Variants in THUMPD3 observed in about 807,000 individuals in gnomAD.
THUMPD3 encodes the protein tRNA (guanine(6)-N(2))-methyltransferase THUMP3.
A neutral mutation model predicts 54.5 loss-of-function variants in THUMPD3; 44 were observed. The ratio of observed to expected loss-of-function variants is 0.81; its 90% CI spans 0.63 to 1.04. The LOEUF is 1.04. THUMPD3 is among the 50% of genes least tolerant of loss of function. The pLI is 0.00. For missense variants in THUMPD3, 604 were observed against 601.3 expected, an observed-to-expected ratio of 1.00 and a Z score of -0.05; for synonymous variants, 196 against 201.4, an observed-to-expected ratio of 0.97 and a Z score of 0.23.
intron 7 of THUMPD3, among the ~76,000 whole-genome samples, chr3:9,382,759 C>T (rs999026335): frequency 6.6e-6 from 1 of 152,186 alleles, no homozygotes; most frequent in Non-Finnish European, 1.5e-5. Context: ...GGGGGTCTTG[C>T]TCTGTCACCC....
In THUMPD3 at chr3:9,384,205, A is replaced by G. The variant is rs756937017; in HGVS notation, c.1236-7A>G. 5.6e-6 allele frequency: 9 copies of G among 1,613,282 alleles called. No individual in the cohort carries two copies. Among genetic ancestry groups the G allele is most frequent in the Admixed American group, 3.3e-5 (2 of 59,758 alleles). On this transcript the variant is annotated splice_polypyrimidine_tract_variant and splice_region_variant and intron_variant, in intron 8 of 9. Transcript: ENST00000452837. ...AAGTGTTTGACTCATGAGACCTTCT[A>G]TTATAGGATGGGATCCAAGAAGAGA...
intron 7 of THUMPD3, 120 bp downstream of exon 7, chr3:9,380,738 A>G (rs769060096): frequency 8.7e-5 from 46 of 527,202 alleles, no homozygotes; most frequent in African/African-American, 2.5e-4. Context: ...TGAATATACT[A>G]TGAGACTCCA....
At chr3:9,384,140 G>A (rs1449304129) in intron 8 of THUMPD3, 72 bp from the exon 9 acceptor site, 2 of 1,529,226 alleles carry the variant, frequency 1.3e-6, no homozygotes, top group Admixed American at 2.0e-5. Context: ...GCATGAAACT[G>A]TTTTTGTTTC....
In THUMPD3 at chr3:9,374,445, A is replaced by T; in HGVS notation, c.808-71A>T. On this transcript the variant is annotated intron_variant, in intron 4 of 9. Transcript: ENST00000452837. ...AAGGAGGGGTGAACCGGCCCAGGTC[A>T]GAAAAGTCTTATTACTAAGCGCAGT... 4 of 1,569,326 alleles carry T rather than the reference A, an allele frequency of 2.5e-6. No individual in the cohort carries two copies. The African/African-American group carries it at 4.1e-5, about 16-fold the overall frequency.
chr3:9,378,159 C>T (rs575744815), intron 6 of THUMPD3, among the ~76,000 whole-genome samples: 1 of 152,324 alleles, frequency 6.6e-6, no homozygotes, highest in Admixed American at 6.5e-5. Context: ...GATGAGTCCT[C>T]TTTGTGTAAC....
At chr3:9,366,200 C>G (rs1318030436) in intron 2 of THUMPD3, among the ~76,000 whole-genome samples, 4 of 152,128 alleles carry the variant, frequency 2.6e-5, no homozygotes, top group Non-Finnish European at 4.4e-5. Context: ...AATTCTTGCT[C>G]AGAAGTAATT....
chr3:9,367,710 A>G (rs890929506), intron 3 of THUMPD3, among the ~76,000 whole-genome samples: 9 of 152,218 alleles, frequency 5.9e-5, no homozygotes, highest in African/African-American at 2.2e-4. Flanking sequence ...ACGTTATTCA[A>G]AAACGAGTCA....
At chr3:9,374,065 CAG>C (rs879868052) in intron 4 of THUMPD3, among the ~76,000 whole-genome samples, 3 of 152,208 alleles carry the variant, frequency 2.0e-5, no homozygotes, top group Admixed American at 2.0e-4. Flanking sequence ...TGCCCTTTCC[CAG>C]TCAGTACCCA....
In THUMPD3 at chr3:9,381,925, A is replaced by G. The variant is rs562339390; in HGVS notation, c.1125-1274A>G. On this transcript the variant is annotated intron_variant, in intron 7 of 9. Coordinates refer to ENST00000452837, the MANE Select transcript of THUMPD3 (RefSeq NM_001114092.2). ...CTCCCAAGTAGCTGGGACTACAGGC[A>G]CCCGCCACCATGCCCGGCTTATTTT... is the stretch of plus-strand genomic sequence containing the variant. Among the ~76,000 whole-genome samples, 223 of 149,254 alleles carry G rather than the reference A, an allele frequency of 1.5e-3. 2 individuals are homozygous for G. The highest frequency in any genetic ancestry group is 9.3e-3 in the South Asian group (44 of 4,728).
intron 5 of THUMPD3, among the ~76,000 whole-genome samples, chr3:9,375,351 A>G (rs774765371): frequency 6.6e-6 from 1 of 152,210 alleles, no homozygotes; most frequent in Non-Finnish European, 1.5e-5. Flanking sequence ...TTTTACTTAT[A>G]TTTTTAAGCT....
At chr3:9,377,305 T>G (rs970744380) in intron 5 of THUMPD3, among the ~76,000 whole-genome samples, 3 of 152,088 alleles carry the variant, frequency 2.0e-5, no homozygotes, top group African/African-American at 7.2e-5. Flanking sequence ...CAAAGGAGAT[T>G]TAGTTATAAG....
chr3:9,366,797 G>A (rs1248580037), intron 2 of THUMPD3, 111 bp from the exon 3 acceptor site: 3 of 789,140 alleles, frequency 3.8e-6, no homozygotes, highest in South Asian at 4.1e-5. Context: ...ACAAAATATA[G>A]TTAGTAGCTG....
intron 5 of THUMPD3, among the ~76,000 whole-genome samples, chr3:9,376,028 T>C (rs1043732094): frequency 6.6e-6 from 1 of 152,226 alleles, no homozygotes; most frequent in African/African-American, 2.4e-5. Context: ...TTGGGCCCAT[T>C]TGATAAAGGA....
chr3:9,384,411 GGATAA>G, intron 9 of THUMPD3, 76 bp downstream of exon 9: 1 of 1,596,068 alleles, frequency 6.3e-7, no homozygotes, highest in Non-Finnish European at 8.5e-7. Flanking sequence ...ATGTTTGTTT[GGATAA>G]GATTTGTTTT....
intron 8 of THUMPD3, among the ~76,000 whole-genome samples, chr3:9,383,968 C>T (rs537704759): frequency 2.0e-5 from 3 of 152,250 alleles, no homozygotes; most frequent in Admixed American, 6.5e-5. Context: ...AGTTTGACTG[C>T]TTATTATACT....
rs2033309041 is a variant in THUMPD3 at position 9,386,040 on chromosome 3, C to T, written c.*1352C>T. On this transcript the variant is annotated 3_prime_UTR_variant, in exon 10 of 10. Transcript: ENST00000452837. ...GTATCCTATTAGTATTATAATAGTA[C>T]TCCTCTTAATACTTTCTGATGTCTC... 1.3e-5 allele frequency: 2 copies of T among 152,106 alleles called. No homozygotes were observed. The highest frequency in any genetic ancestry group is 4.8e-5 in the African/African-American group (2 of 41,406). 9.4% of individuals were successfully genotyped at this position (152,106 alleles called of 1,614,324 possible). A position where few individuals can be genotyped will look rare whatever the true frequency, so the allele number is the denominator to read the frequency against.
Position 9,366,990 on chromosome 3 carries a change from G to A in THUMPD3, c.330+5G>A, listed in dbSNP as rs907279786. On this transcript the variant is annotated splice_donor_5th_base_variant and intron_variant, in intron 3 of 9. Coordinates refer to ENST00000452837, the MANE Select transcript of THUMPD3 (RefSeq NM_001114092.2). ...TACCAGTTCAAACAAACAAAGGTGA[G>A]CTATCCTAAACATGGTGGCTGATTT... is the stretch of plus-strand genomic sequence containing the variant. 3.1e-6 allele frequency: 5 copies of A among 1,611,082 alleles called. No homozygotes were observed. Among genetic ancestry groups the A allele is most frequent in the Non-Finnish European group, 3.4e-6 (4 of 1,178,522 alleles).
At chr3:9,384,107 A>C in intron 8 of THUMPD3, 105 bp from the exon 9 acceptor site, 1 of 1,249,518 alleles carries the variant, frequency 8.0e-7, no homozygotes, top group South Asian at 1.5e-5. Flanking sequence ...CTAAAACTAC[A>C]GCTATTTTTC....
intron 1 of THUMPD3, chr3:9,363,429 G>T (rs554003586): frequency 6.6e-6 from 1 of 152,270 alleles, no homozygotes; most frequent in African/African-American, 2.4e-5. Context: ...AGAAGATGGA[G>T]ATTGTATTCA....
Sources: gnomAD v4.1 joint callset for allele counts (sites outside exome capture counted in the v4.1 genomes callset) on GRCh38, gnomAD v4.1.1 for gene constraint, MANE v1.5 for transcripts, NCBI Gene and HGNC (gene_info 2026-07-23, HGNC 2026-07-21) for gene names.